Variants in STRADA observed in about 807,000 individuals in gnomAD.
STRADA encodes the protein STE20-related kinase adapter protein alpha.
In STRADA, 26 loss-of-function variants were observed where a neutral mutation model predicts 55.0. The observed-to-expected ratio is 0.47, with a 90% CI of 0.35 to 0.66. The LOEUF is 0.66. STRADA is among the 30% of genes least tolerant of loss of function. STRADA has a pLI of 0.01. For missense variants in STRADA, 443 were observed against 549.7 expected (o/e 0.81, Z 1.94); for synonymous variants, 197 against 210.9 (o/e 0.93, Z 0.57).
intron 6 of STRADA, 135 bp from the exon 7 acceptor site, chr17:63,710,971 C>G (rs965886372): frequency 9.5e-6 from 7 of 737,220 alleles, no homozygotes; most frequent in Non-Finnish European, 1.5e-5. Flanking sequence ...ACAGCCTAAG[C>G]AGGTGCCTGC....
chr17:63,738,984 T>C (rs1011891131), intron 1 of STRADA, among the ~76,000 whole-genome samples: 9 of 151,580 alleles, frequency 5.9e-5, no homozygotes, highest in Non-Finnish European at 1.0e-4. Context: ...ACCTCATCTC[T>C]ACTAAAATTA....
chr17:63,728,571 T>C (rs2037807324), intron 1 of STRADA, among the ~76,000 whole-genome samples, 158 bp from the exon 2 acceptor site: 5 of 151,962 alleles, frequency 3.3e-5, no homozygotes, highest in Admixed American at 2.0e-4. Context: ...TGATGATAAA[T>C]CTGAATATAC....
intron 1 of STRADA, chr17:63,741,470 G>A (rs2038942491): frequency 6.5e-6 from 1 of 153,834 alleles, no homozygotes; most frequent in East Asian, 1.9e-4. Flanking sequence ...GTCCTAGGGG[G>A]TGGGGAGGAA....
At chr17:63,710,877 C>A in intron 6 of STRADA, 41 bp from the exon 7 acceptor site, 9 of 1,553,988 alleles carry the variant, frequency 5.8e-6, no homozygotes, top group Non-Finnish European at 8.0e-6. Context: ...CCAAATGGCA[C>A]TGAAGGATGC....
At chr17:63,711,026 C>G (rs1598176330) in intron 6 of STRADA, 190 bp from the exon 7 acceptor site, 2 of 584,686 alleles carry the variant, frequency 3.4e-6, no homozygotes, top group East Asian at 5.7e-5. Flanking sequence ...AGGGACCCAG[C>G]ACTGCTTTGC....
At position 63,711,200 on chromosome 17, in the gene STRADA, TTTG is replaced by T. The variant is rs532474153; in HGVS notation, c.349-367_349-365del. The stretch of plus-strand genomic sequence containing the variant: ...TTTAAGATAAGAAAACAAAAAATAT[TTTG>T]TTGTTGTTATTTGTAGAGACAAGGT... On this transcript the variant is annotated intron_variant, in intron 6 of 12. Transcript: ENST00000336174. Among the ~76,000 whole-genome samples the T allele has an allele frequency of 2.6e-3, 396 of 152,202 alleles. 1 individual carries two copies. The highest frequency in any genetic ancestry group is 9.2e-3 in the African/African-American group (381 of 41,498).
intron 6 of STRADA, 82 bp from the exon 7 acceptor site, chr17:63,710,918 T>C (rs750373949): frequency 2.4e-4 from 306 of 1,267,170 alleles, no homozygotes; most frequent in Non-Finnish European, 3.2e-4. Flanking sequence ...GCATGGACAA[T>C]AGGGGGACCT....
intron 1 of STRADA, among the ~76,000 whole-genome samples, chr17:63,740,121 T>C (rs1413027266): frequency 3.6e-5 from 3 of 83,544 alleles, no homozygotes; most frequent in African/African-American, 1.8e-4. Flanking sequence ...TACATACATA[T>C]ATATATACAC....
At position 63,740,377 on chromosome 17, in the gene STRADA, T is replaced by TG. The variant is rs964973145; in HGVS notation, c.-45+1363dup. On this transcript the variant is annotated intron_variant, in intron 1 of 12. Coordinates refer to ENST00000336174, the MANE Select transcript of STRADA (RefSeq NM_001003787.4). The stretch of plus-strand genomic sequence containing the variant: ...AAATACAAAAATTAACCAGGTGTGG[T>TG]GGGGGGTGCCTGTAATGCCAGCTAC... 1.1e-4 allele frequency among the ~76,000 whole-genome samples: 16 copies of TG among 151,048 alleles called. No individual in the cohort carries two copies. In the East Asian group the frequency reaches 1.4e-3, roughly 13 times the overall value.
intron 3 of STRADA, among the ~76,000 whole-genome samples, chr17:63,725,365 T>C (rs1383250926): frequency 6.6e-6 from 1 of 152,104 alleles, no homozygotes; most frequent in Non-Finnish European, 1.5e-5. Flanking sequence ...TGAGACGGAG[T>C]CTCAAAAACT....
intron 4 of STRADA, among the ~76,000 whole-genome samples, chr17:63,720,895 G>A (rs1048121940): frequency 1.3e-5 from 2 of 151,198 alleles, no homozygotes; most frequent in Non-Finnish European, 2.9e-5. Context: ...TCAGGAGTTC[G>A]AGTCCAGCCT....
chr17:63,726,855 A>G, intron 2 of STRADA, 160 bp from the exon 3 acceptor site: 1 of 651,134 alleles, frequency 1.5e-6, no homozygotes, highest in Non-Finnish European at 2.6e-6. Flanking sequence ...AGAATCTTGA[A>G]CTAAAAACAA....
rs749685944 is a variant in STRADA, at chr17:63,704,323, C to T, written c.1100+18G>A. ...CCCTCTGCTCTCCCGAAGCCCAGGC[C>T]CAGGCCAGCAGGGATACCTGGCATC... is the stretch of plus-strand genomic sequence containing the variant. On this transcript the variant is annotated intron_variant, in intron 11 of 12. Coordinates refer to ENST00000336174, the MANE Select transcript of STRADA (RefSeq NM_001003787.4). 1.2e-6 allele frequency: 2 copies of T among 1,611,468 alleles called. No homozygotes were observed. Among genetic ancestry groups the T allele is most frequent in the Non-Finnish European group, 1.7e-6 (2 of 1,179,400 alleles).
chr17:63,707,487 A>C, intron 8 of STRADA, 69 bp from the exon 9 acceptor site: 12 of 1,502,900 alleles, frequency 8.0e-6, no homozygotes, highest in Non-Finnish European at 1.1e-5. Context: ...TGGTCTTCAC[A>C]CACTCCACCT....
At chr17:63,704,095 A>G in intron 11 of STRADA, 48 bp from the exon 12 acceptor site, 2 of 1,598,694 alleles carry the variant, frequency 1.3e-6, no homozygotes, top group South Asian at 2.3e-5. Context: ...CCGTGTCCCC[A>G]GCTTCCCGAA....
intron 1 of STRADA, among the ~76,000 whole-genome samples, chr17:63,736,318 G>A (rs2038418901): frequency 6.6e-6 from 1 of 151,998 alleles, no homozygotes; most frequent in Admixed American, 6.6e-5. Flanking sequence ...TAAAAAGGAA[G>A]CTATGAGATA....
chr17:63,713,542 G>A lies in STRADA; in HGVS notation c.227-15C>T. 4 of 1,612,234 alleles carry A rather than the reference G, an allele frequency of 2.5e-6. No homozygotes were observed. The highest frequency in any genetic ancestry group is 3.4e-6 in the Non-Finnish European group (4 of 1,179,536). The stretch of plus-strand genomic sequence containing the variant: ...AAATCCTTTGCCTAAAAGAAAAAGG[G>A]AATGCCATACGCAAGGACAAGAACA... On this transcript the variant is annotated splice_polypyrimidine_tract_variant and intron_variant, in intron 5 of 12. Transcript: ENST00000336174.
chr17:63,739,140 C>CAAAAAAA (rs35963636), intron 1 of STRADA, among the ~76,000 whole-genome samples: 1 of 69,378 alleles, frequency 1.4e-5, no homozygotes, highest in Admixed American at 2.1e-4. Context: ...GACTCCATCT[C>CAAAAAAA]AAAAAAAAAA....
chr17:63,716,095 GTTT>G (rs536853800), intron 4 of STRADA, among the ~76,000 whole-genome samples: 5 of 134,930 alleles, frequency 3.7e-5, no homozygotes, highest in African/African-American at 8.1e-5. Flanking sequence ...AACGTACGTG[GTTT>G]TTTTTTTTTT....
Sources: gnomAD v4.1 joint callset for allele counts (sites outside exome capture counted in the v4.1 genomes callset) on GRCh38, gnomAD v4.1.1 for gene constraint, MANE v1.5 for transcripts, NCBI Gene and HGNC (gene_info 2026-07-23, HGNC 2026-07-21) for gene names.